The following EFNA5 variants were observed in gnomAD, a reference collection of about 807,000 sequenced individuals.
EFNA5 encodes the protein ephrin-A5.
EFNA5 carries 5 observed loss-of-function variants against 22.9 expected under a neutral mutation model. That is an observed-to-expected ratio of 0.22 (90% CI 0.11 to 0.46). The LOEUF (loss-of-function observed/expected upper bound fraction) is 0.46, where lower values mean the gene tolerates loss of function less well. Ranked by LOEUF, EFNA5 falls within the 20% of genes least tolerant of loss-of-function variation. The pLI is 0.99. For synonymous variants in EFNA5, 113 were observed against 112.2 expected (o/e 1.01, Z -0.04); for missense variants, 237 against 293.3 (o/e 0.81, Z 1.40).
At position 107,593,259 on chromosome 5, in the gene EFNA5, A is replaced by G. The variant is rs548778205; in HGVS notation, c.125+77230T>C. 3.3e-5 allele frequency among the ~76,000 whole-genome samples: 5 copies of G among 152,310 alleles called. No homozygotes were observed. The South Asian group carries it at 8.3e-4, about 25-fold the overall frequency. On this transcript the variant is annotated intron_variant, in intron 1 of 4. Coordinates refer to ENST00000333274, the MANE Select transcript of EFNA5 (RefSeq NM_001962.3). ...ATCATCCATCTGGGACTGTCAAAAC[A>G]AGGCCAGTCTGTTTCCAGGAGCAGC...
intron 1 of EFNA5, among the ~76,000 whole-genome samples, chr5:107,497,124 ATC>A (rs1561412962): frequency 2.6e-5 from 4 of 152,240 alleles, no homozygotes; most frequent in Non-Finnish European, 4.4e-5. Flanking sequence ...TTGCCATGGT[ATC>A]GCGAGCAAAG....
At chr5:107,668,012 C>T (rs1751112719) in intron 1 of EFNA5, among the ~76,000 whole-genome samples, 1 of 152,134 alleles carries the variant, frequency 6.6e-6, no homozygotes, top group South Asian at 2.1e-4. Context: ...ACATCTTATT[C>T]AACACTTCAG....
chr5:107,548,293 T>C (rs1240140065), intron 1 of EFNA5, among the ~76,000 whole-genome samples: 1 of 152,220 alleles, frequency 6.6e-6, no homozygotes, highest in African/African-American at 2.4e-5. Context: ...ATAAATTTTA[T>C]TAAACAATGG....
chr5:107,544,747 A>G (rs557750202), intron 1 of EFNA5, among the ~76,000 whole-genome samples: 1 of 152,282 alleles, frequency 6.6e-6, no homozygotes, highest in Admixed American at 6.5e-5. Context: ...TTACTTGCCA[A>G]ACTCCCTGAG....
chr5:107,381,330 C>A lies in EFNA5; in HGVS notation c.612G>T (p.Ala204=). ...GGCTGGGTATCCTTGGTGTTTGTGC[C>A]GCGTTCTCGCCGCGGGATGGCTCGG... ...ESAEPSRGEN[A]AQTPRIPSRL... Residue 204 remains alanine, a synonymous_variant, in exon 5 of 5, where the codon GCG becomes GCT. Transcript: ENST00000333274. 1 of 1,613,944 alleles carries A rather than the reference C, an allele frequency of 6.2e-7. No individual in the cohort carries two copies. The highest frequency in any genetic ancestry group is 8.5e-7 in the Non-Finnish European group (1 of 1,179,914).
At chr5:107,592,220 ACT>A (rs1294480398) in intron 1 of EFNA5, among the ~76,000 whole-genome samples, 1 of 148,224 alleles carries the variant, frequency 6.7e-6, no homozygotes, top group African/African-American at 2.5e-5. Flanking sequence ...CAAAGCAGTT[ACT>A]TTTTGTACTA....
intron 1 of EFNA5, among the ~76,000 whole-genome samples, chr5:107,641,118 G>A (rs999491721): frequency 6.6e-6 from 1 of 152,132 alleles, no homozygotes; most frequent in Non-Finnish European, 1.5e-5. Context: ...AGCACTTTGG[G>A]AGGCCAAGGC....
At chr5:107,546,305 A>G (rs553363) in intron 1 of EFNA5, among the ~76,000 whole-genome samples, 108,695 of 151,974 alleles carry the variant, frequency 0.72, 38,928 homozygotes, top group Middle Eastern at 0.76. Flanking sequence ...ACATCTGCTC[A>G]GGTGCTGACA....
chr5:107,646,024 G>T (rs1050387764), intron 1 of EFNA5, among the ~76,000 whole-genome samples: 1 of 152,176 alleles, frequency 6.6e-6, no homozygotes, highest in Non-Finnish European at 1.5e-5. Flanking sequence ...TCATAGGTTA[G>T]CTCTGGCTTC....
chr5:107,668,757 C>A (rs1295865817), intron 1 of EFNA5, among the ~76,000 whole-genome samples: 1 of 152,184 alleles, frequency 6.6e-6, no homozygotes, highest in Non-Finnish European at 1.5e-5. Flanking sequence ...AAAAAACTAA[C>A]CAACATAATG....
At chr5:107,539,843 A>G (rs1748010210) in intron 1 of EFNA5, among the ~76,000 whole-genome samples, 1 of 152,204 alleles carries the variant, frequency 6.6e-6, no homozygotes. Context: ...GTTAATTAAA[A>G]GGAGAAAGTA....
rs1747348068 is a variant in EFNA5 at position 107,378,823 on chromosome 5, T to C, written c.*2432A>G. ...CAGAAGTCACCATTTCTAAAATGCATTTAGCACTGCTAACATAGTTATGAC... is the reference window on the plus strand; with the variant it reads ...CAGAAGTCACCATTTCTAAAATGCACTTAGCACTGCTAACATAGTTATGAC... On this transcript the variant is annotated 3_prime_UTR_variant, in exon 5 of 5. Transcript: ENST00000333274. 1 of 152,132 alleles carries C rather than the reference T, an allele frequency of 6.6e-6. No homozygotes were observed. The highest frequency in any genetic ancestry group is 1.5e-5 in the Non-Finnish European group (1 of 68,006). The allele number at this position is 152,132 out of a possible 1,614,324, so 9.4% of individuals were successfully genotyped here. A position where few individuals can be genotyped will look rare whatever the true frequency, so the allele number is the denominator to read the frequency against.
intron 1 of EFNA5, among the ~76,000 whole-genome samples, chr5:107,637,492 G>A (rs1043302286): frequency 3.3e-5 from 5 of 150,400 alleles, no homozygotes; most frequent in East Asian, 2.0e-4. Flanking sequence ...TTCACAGCAA[G>A]GCACTGTGTG....
intron 1 of EFNA5, among the ~76,000 whole-genome samples, chr5:107,502,370 T>G (rs568875945): frequency 1.8e-4 from 28 of 152,204 alleles, no homozygotes; most frequent in Non-Finnish European, 3.7e-4. Flanking sequence ...CATGCCACAG[T>G]CAACATCAAA....
intron 1 of EFNA5, among the ~76,000 whole-genome samples, chr5:107,665,465 GACA>G (rs1751046535): frequency 1.3e-5 from 2 of 152,286 alleles, no homozygotes; most frequent in South Asian, 4.2e-4. Context: ...CAACACACAT[GACA>G]ACAAGATATT....
At chr5:107,659,901 T>C (rs1750910063) in intron 1 of EFNA5, among the ~76,000 whole-genome samples, 1 of 152,058 alleles carries the variant, frequency 6.6e-6, no homozygotes, top group Admixed American at 6.6e-5. Context: ...ACTAAATTAA[T>C]AGTCCTTTCT....
rs142323624 is a variant in EFNA5, at chr5:107,514,790, C to T, written c.126-87281G>A. ...ATGAGGTCCTACGTGACCTGCCTCC[C>T]GTCTCCTCTTTCCTTACTTCACTGA... On this transcript the variant is annotated intron_variant, in intron 1 of 4. Coordinates refer to ENST00000333274, the MANE Select transcript of EFNA5 (RefSeq NM_001962.3). 1.7e-3 allele frequency among the ~76,000 whole-genome samples: 264 copies of T among 152,308 alleles called. 2 individuals are homozygous for T. The highest frequency in any genetic ancestry group is 5.9e-3 in the African/African-American group (244 of 41,560).
chr5:107,612,492 T>A (rs1749837336), intron 1 of EFNA5, among the ~76,000 whole-genome samples: 1 of 151,950 alleles, frequency 6.6e-6, no homozygotes, highest in Admixed American at 6.6e-5. Flanking sequence ...CTTTTTAAAA[T>A]ATAATTTGAA....
intron 1 of EFNA5, among the ~76,000 whole-genome samples, chr5:107,586,580 T>C (rs917572059): frequency 9.9e-5 from 15 of 152,168 alleles, no homozygotes; most frequent in African/African-American, 3.6e-4. Context: ...CTGTTTTTAT[T>C]ACCCCTCTAC....
Sources: allele counts gnomAD v4.1 joint callset (sites outside exome capture counted in the v4.1 genomes callset), GRCh38; gene constraint gnomAD v4.1.1; transcripts MANE v1.5; gene names NCBI Gene and HGNC (gene_info 2026-07-23, HGNC 2026-07-21).